The following SLC1A1 variants were observed in gnomAD, a reference collection of about 807,000 sequenced individuals.
The protein encoded by SLC1A1 is excitatory amino acid transporter 3.
In SLC1A1, 43 loss-of-function variants were observed where a neutral mutation model predicts 53.3. That is an observed-to-expected ratio of 0.81 (90% confidence interval 0.63 to 1.04). SLC1A1 has a LOEUF of 1.04. Among genes scored for constraint, SLC1A1 ranks in the 50% least tolerant of loss-of-function variants. The probability of loss-of-function intolerance (pLI) is 0.00; values close to 1 mark genes in which losing one functional copy is unlikely to be tolerated. For missense variants in SLC1A1, 748 were observed against 664.9 expected, an observed-to-expected ratio of 1.12 and a Z score of -1.37; for synonymous variants, 307 against 243.2, an observed-to-expected ratio of 1.26 and a Z score of -2.44.
intron 1 of SLC1A1, among the ~76,000 whole-genome samples, chr9:4,523,164 T>C (rs1258224793): frequency 6.6e-6 from 1 of 152,200 alleles, no homozygotes; most frequent in Non-Finnish European, 1.5e-5. Flanking sequence ...CTGTGCTGAG[T>C]TGCATCTATG....
chr9:4,544,593 G>C lies in SLC1A1; in HGVS notation c.118G>C (p.Glu40Gln). The part of the protein sequence containing the change: ...LGITTGVLVR[E>Q]HSNLSTLEKF... ...CATTACCACAGGAGTCTTGGTTCGA[G>C]AACACAGCAACCTCTCAACTCTAGA... Residue 40 changes from glutamate (E) to glutamine (Q), a missense_variant, in exon 2 of 12, where the codon GAA becomes CAA. Transcript: ENST00000262352. The C allele has an allele frequency of 6.2e-7, 1 of 1,613,834 alleles. No homozygotes were observed. The highest frequency in any genetic ancestry group is 8.5e-7 in the Non-Finnish European group (1 of 1,179,778).
At position 4,573,786 on chromosome 9, in the gene SLC1A1, T is replaced by C. The variant is rs1040902750; in HGVS notation, c.768-121T>C. ...ACTCTTAGCTTCAATTCCCATCCTG[T>C]GCTCCACCAAGTGTGCATGCCAAGC... On this transcript the variant is annotated intron_variant, in intron 7 of 11. Transcript: ENST00000262352. 12 of 770,988 alleles carry C rather than the reference T, an allele frequency of 1.6e-5. No homozygotes were observed. The Admixed American group carries it at 2.1e-4, about 13-fold the overall frequency. 47.8% of individuals were successfully genotyped at this position (770,988 alleles called of 1,614,324 possible).
chr9:4,575,268 C>CAT (rs1288932743), intron 8 of SLC1A1, among the ~76,000 whole-genome samples: 4 of 152,194 alleles, frequency 2.6e-5, no homozygotes, highest in Admixed American at 6.5e-5. Context: ...CTGCCAGTTA[C>CAT]ATATATATCT....
chr9:4,557,470 C>T (rs543621594), intron 2 of SLC1A1, among the ~76,000 whole-genome samples: 10 of 152,222 alleles, frequency 6.6e-5, no homozygotes, highest in South Asian at 4.1e-4. Context: ...CCATTAGCCA[C>T]GTGTGGCTAC....
intron 2 of SLC1A1, among the ~76,000 whole-genome samples, chr9:4,559,482 C>T (rs1564037564): frequency 6.6e-6 from 1 of 152,062 alleles, no homozygotes; most frequent in Non-Finnish European, 1.5e-5. Flanking sequence ...CACTTCCTTG[C>T]AGATTTTCTT....
At chr9:4,513,384 A>C (rs1821058514) in intron 1 of SLC1A1, among the ~76,000 whole-genome samples, 1 of 152,240 alleles carries the variant, frequency 6.6e-6, no homozygotes, top group Non-Finnish European at 1.5e-5. Context: ...CAAACTTTAA[A>C]AATAGGCAAA....
intron 1 of SLC1A1, among the ~76,000 whole-genome samples, chr9:4,536,644 A>C (rs1246316442): frequency 1.3e-5 from 2 of 152,338 alleles, no homozygotes; most frequent in East Asian, 3.9e-4. Flanking sequence ...GCGATTCCTC[A>C]GGGATCTTGA....
chr9:4,544,322 G>A lies in SLC1A1; in HGVS notation c.92-245G>A, dbSNP rs145937472. 6.5e-3 allele frequency among the ~76,000 whole-genome samples: 994 copies of A among 152,180 alleles called. 12 individuals are homozygous for A. Among genetic ancestry groups the A allele is most frequent in the African/African-American group, 0.022 (929 of 41,510 alleles). On this transcript the variant is annotated intron_variant, in intron 1 of 11. Transcript: ENST00000262352. ...TGTCATAATAAGTGTAATTGATAGC[G>A]AAGAAATGACAACAAAGCTTTCATG...
chr9:4,531,315 A>C (rs546765465), intron 1 of SLC1A1, among the ~76,000 whole-genome samples: 71 of 152,350 alleles, frequency 4.7e-4, no homozygotes, highest in Non-Finnish European at 8.4e-4. Flanking sequence ...AGTCAAAGAA[A>C]GGGGTGACAG....
intron 1 of SLC1A1, among the ~76,000 whole-genome samples, chr9:4,495,465 T>G (rs1040262090): frequency 2.6e-5 from 4 of 152,058 alleles, no homozygotes; most frequent in African/African-American, 9.7e-5. Context: ...TAGATGAGAA[T>G]AGTGTTCTGG....
In SLC1A1 at chr9:4,576,653, T is replaced by C; in HGVS notation, c.1083T>C (p.Val361=). The C allele has an allele frequency of 6.2e-7, 1 of 1,614,102 alleles. No individual in the cohort carries two copies. The highest frequency in any genetic ancestry group is 1.7e-5 in the Admixed American group (1 of 60,034). The change falls in exon 10 of 12, where the codon GTT becomes GTC. Residue 361 remains valine, a synonymous_variant. Coordinates refer to ENST00000262352, the MANE Select transcript of SLC1A1 (RefSeq NM_004170.6). ...DKRITRFVLP[V]GATINMDGTA... ...GGATCACTCGATTCGTGTTACCCGT[T>C]GGTGCAACAATCAACATGGATGGGA...
intron 1 of SLC1A1, among the ~76,000 whole-genome samples, chr9:4,492,960 G>C (rs1820289124): frequency 6.6e-6 from 1 of 152,172 alleles, no homozygotes; most frequent in Admixed American, 6.5e-5. Context: ...CGATTCACTG[G>C]AGACTGGTTT....
chr9:4,560,265 G>A (rs1477739224), intron 2 of SLC1A1, among the ~76,000 whole-genome samples: 3 of 152,198 alleles, frequency 2.0e-5, no homozygotes, highest in African/African-American at 7.2e-5. Context: ...TGACATTACT[G>A]TGAATGTGGC....
intron 1 of SLC1A1, among the ~76,000 whole-genome samples, chr9:4,504,217 C>T (rs1285911259): frequency 6.6e-6 from 1 of 152,200 alleles, no homozygotes. Flanking sequence ...AATTGGGCTA[C>T]AGCTTGGCAC....
chr9:4,512,471 G>C (rs1159014589), intron 1 of SLC1A1, among the ~76,000 whole-genome samples: 1 of 152,090 alleles, frequency 6.6e-6, no homozygotes, highest in African/African-American at 2.4e-5. Context: ...TCACGCCACT[G>C]CACTCAAGCC....
chr9:4,503,288 G>A (rs959682116), intron 1 of SLC1A1, among the ~76,000 whole-genome samples: 1 of 151,836 alleles, frequency 6.6e-6, no homozygotes, highest in South Asian at 2.1e-4. Context: ...TGGTGCCTAA[G>A]ATGAAAAGTA....
intron 1 of SLC1A1, among the ~76,000 whole-genome samples, chr9:4,505,961 T>C (rs1010496514): frequency 1.3e-5 from 2 of 152,186 alleles, no homozygotes; most frequent in African/African-American, 4.8e-5. Context: ...GTAGCTGGGA[T>C]TACAGGTGCC....
intron 1 of SLC1A1, among the ~76,000 whole-genome samples, chr9:4,494,221 C>T (rs1253053447): frequency 6.6e-6 from 1 of 152,128 alleles, no homozygotes; most frequent in African/African-American, 2.4e-5. Flanking sequence ...AATTCTGGTA[C>T]TATCAAGCTC....
chr9:4,583,089 C>T lies in SLC1A1; in HGVS notation c.1245C>T (p.Gly415=). The T allele has an allele frequency of 2.5e-6, 4 of 1,614,216 alleles. No individual in the cohort carries two copies. Among genetic ancestry groups the T allele is most frequent in the Non-Finnish European group, 2.5e-6 (3 of 1,180,044 alleles). Residue 415 remains glycine, a synonymous_variant, in exon 11 of 12, where the codon GGC becomes GGT. Transcript: ENST00000262352. This position sits in a 1 kb window ranked among gnomAD's most constrained non-coding sequence, Gnocchi z 4.6. ...SIGAAGVPQA[G]LVTMVIVLSA... is the part of the protein sequence containing the mutation. ...GAGCTGCTGGCGTGCCCCAGGCTGG[C>T]CTGGTGACCATGGTGATTGTGCTGA...
Sources: allele counts gnomAD v4.1 joint callset (sites outside exome capture counted in the v4.1 genomes callset), GRCh38; gene constraint gnomAD v4.1.1; non-coding constraint Gnocchi (gnomAD v3.1); transcripts MANE v1.5; gene names NCBI Gene and HGNC (gene_info 2026-07-23, HGNC 2026-07-21).